NAALADL2: variants seen among roughly 807,000 people sequenced by gnomAD.
The protein encoded by NAALADL2 is N-acetylated alpha-linked acidic dipeptidase like 2.
NAALADL2 carries 76 observed loss-of-function variants against 87.2 expected under a neutral mutation model. That is an observed-to-expected ratio of 0.87 (90% confidence interval 0.72 to 1.05). The LOEUF (loss-of-function observed/expected upper bound fraction) is 1.05, where lower values mean the gene tolerates loss of function less well. NAALADL2 is among the 50% of genes least tolerant of loss of function. The probability of loss-of-function intolerance (pLI) is 0.00; values close to 1 mark genes in which losing one functional copy is unlikely to be tolerated. For missense variants in NAALADL2, 1,089 were observed against 945.8 expected, an observed-to-expected ratio of 1.15 and a Z score of -1.99; for synonymous variants, 354 against 331.0, an observed-to-expected ratio of 1.07 and a Z score of -0.75.
At chr3:175,488,852 T>A (rs1727669292) in intron 9 of NAALADL2, among the ~76,000 whole-genome samples, 1 of 152,212 alleles carries the variant, frequency 6.6e-6, no homozygotes, top group Non-Finnish European at 1.5e-5. Context: ...TTTAGTCATG[T>A]AGAATAACAC....
intron 3 of NAALADL2, among the ~76,000 whole-genome samples, chr3:174,817,170 G>T (rs1300702933): frequency 1.3e-5 from 2 of 152,056 alleles, no homozygotes; most frequent in African/African-American, 4.8e-5. Context: ...TAATCCACAG[G>T]GATCAAATAA....
chr3:174,587,361 T>C (rs1024255523), intron 2 of NAALADL2, among the ~76,000 whole-genome samples: 9 of 152,180 alleles, frequency 5.9e-5, no homozygotes, highest in Non-Finnish European at 1.2e-4. Context: ...AATTGGAGCA[T>C]TTAGCCCATT....
At chr3:174,924,389 A>C (rs982110748) in intron 1 of NAALADL2, among the ~76,000 whole-genome samples, 8 of 151,622 alleles carry the variant, frequency 5.3e-5, no homozygotes, top group African/African-American at 1.9e-4. Context: ...AAGGACACGA[A>C]CTCATCCTTT....
chr3:175,411,086 A>G (rs1436628068), intron 5 of NAALADL2, among the ~76,000 whole-genome samples: 2 of 152,050 alleles, frequency 1.3e-5, no homozygotes, highest in Admixed American at 1.3e-4. Context: ...GCTCTGGACG[A>G]GAGTGATTAT....
chr3:175,540,510 G>A (rs998152937), intron 9 of NAALADL2, among the ~76,000 whole-genome samples: 4 of 152,156 alleles, frequency 2.6e-5, no homozygotes, highest in Non-Finnish European at 5.9e-5. Context: ...AGCCATTGTA[G>A]GGTTTTTAAC....
rs1231865347 is a variant in NAALADL2, at chr3:175,134,679, T to C, written c.545+37388T>C. Among the ~76,000 whole-genome samples the C allele has an allele frequency of 2.7e-5, 4 of 150,834 alleles. No individual in the cohort carries two copies. In the Admixed American group the frequency reaches 2.7e-4, roughly 10 times the overall value. On this transcript the variant is annotated intron_variant, in intron 2 of 13. Coordinates refer to ENST00000454872, the MANE Select transcript of NAALADL2 (RefSeq NM_207015.3). The stretch of plus-strand genomic sequence containing the variant: ...CTCTTTTGAAGACTAAGGGTGAGGG[T>C]GGAACAATAAGTAAGGGAGATAAAG...
intron 1 of NAALADL2, among the ~76,000 whole-genome samples, chr3:174,501,360 G>A (rs375655712): frequency 6.9e-6 from 1 of 145,494 alleles, no homozygotes; most frequent in Non-Finnish European, 1.5e-5. Context: ...TTACAGGCGT[G>A]AGCCACCGCG....
chr3:175,119,779 A>G (rs1725860598), intron 2 of NAALADL2, among the ~76,000 whole-genome samples: 1 of 135,008 alleles, frequency 7.4e-6, no homozygotes, highest in South Asian at 2.3e-4. Context: ...ATAGATATAT[A>G]TATAAAAGTA....
intron 3 of NAALADL2, among the ~76,000 whole-genome samples, chr3:174,835,478 A>C (rs571148834): frequency 6.6e-6 from 1 of 152,268 alleles, no homozygotes; most frequent in South Asian, 2.1e-4. Flanking sequence ...CCAAGAATAC[A>C]AGCAATACAA....
chr3:175,383,824 A>G (rs528226213), intron 5 of NAALADL2, among the ~76,000 whole-genome samples: 1 of 152,208 alleles, frequency 6.6e-6, no homozygotes, highest in African/African-American at 2.4e-5. Context: ...ATAGTTTACT[A>G]TGTGTTTATA....
At chr3:175,232,214 G>C (rs1038063755) in intron 2 of NAALADL2, among the ~76,000 whole-genome samples, 4 of 149,296 alleles carry the variant, frequency 2.7e-5, no homozygotes, top group Non-Finnish European at 5.9e-5. Context: ...AGAACAAGAA[G>C]AGAAGAAGAA....
chr3:175,582,451 G>T (rs1351198154), intron 10 of NAALADL2, among the ~76,000 whole-genome samples: 1 of 152,142 alleles, frequency 6.6e-6, no homozygotes, highest in African/African-American at 2.4e-5. Flanking sequence ...GCTGCTTTCA[G>T]TGATTATCTT....
At chr3:175,409,154 C>G (rs556712805) in intron 5 of NAALADL2, among the ~76,000 whole-genome samples, 1 of 151,534 alleles carries the variant, frequency 6.6e-6, no homozygotes, top group East Asian at 1.9e-4. Flanking sequence ...TCTATGTATT[C>G]TGAATATCAA....
At chr3:175,350,349 G>T (rs556005007) in intron 5 of NAALADL2, among the ~76,000 whole-genome samples, 1 of 152,252 alleles carries the variant, frequency 6.6e-6, no homozygotes, top group Admixed American at 6.5e-5. Flanking sequence ...GAAGCAGTGA[G>T]AAGCAGATAT....
At chr3:174,900,916 C>A (rs1158687929) in intron 1 of NAALADL2, among the ~76,000 whole-genome samples, 1 of 151,818 alleles carries the variant, frequency 6.6e-6, no homozygotes. Flanking sequence ...ACTCTTTAAC[C>A]TAAATTTATC....
intron 2 of NAALADL2, among the ~76,000 whole-genome samples, chr3:175,147,984 C>T (rs550540229): frequency 2.9e-4 from 44 of 151,586 alleles, no homozygotes; most frequent in African/African-American, 6.3e-4. Context: ...ACAATAGAAT[C>T]GCTTGAACCC....
chr3:175,505,745 CTCT>C (rs1162847949), intron 9 of NAALADL2, among the ~76,000 whole-genome samples: 1 of 152,092 alleles, frequency 6.6e-6, no homozygotes. Context: ...AAATAAATAC[CTCT>C]TCTTCTGAGA....
At position 175,806,024 on chromosome 3, in the gene NAALADL2, G is replaced by A. The variant is rs1244565022; in HGVS notation, c.*2821G>A. The A allele has an allele frequency of 4.6e-5, 7 of 151,876 alleles. No individual in the cohort carries two copies. Among genetic ancestry groups the A allele is most frequent in the African/African-American group, 1.7e-4 (7 of 41,400 alleles). The allele number at this position is 151,876 out of a possible 1,614,324, so 9.4% of individuals were successfully genotyped here. ...TTAGTTAGTAACAAAAGCACCACTGGAATTTAAGCTTCTCTGCTTTCTCAT... is the reference window on the plus strand; with the variant it reads ...TTAGTTAGTAACAAAAGCACCACTGAAATTTAAGCTTCTCTGCTTTCTCAT... On this transcript the variant is annotated 3_prime_UTR_variant, in exon 14 of 14. Transcript: ENST00000454872.
chr3:175,210,614 A>T (rs1338410575), intron 2 of NAALADL2, among the ~76,000 whole-genome samples: 2 of 151,600 alleles, frequency 1.3e-5, no homozygotes, highest in Non-Finnish European at 3.0e-5. Flanking sequence ...GGTAGGCAGG[A>T]GGAAGGTAAA....
Sources: gnomAD v4.1 joint callset for allele counts (sites outside exome capture counted in the v4.1 genomes callset) on GRCh38, gnomAD v4.1.1 for gene constraint, MANE v1.5 for transcripts, NCBI Gene and HGNC (gene_info 2026-07-23, HGNC 2026-07-21) for gene names.